The following SNX29 variants were observed in gnomAD, a reference collection of about 807,000 sequenced individuals.
SNX29 encodes sorting nexin-29.
SNX29 carries 78 observed loss-of-function variants against 102.1 expected under a neutral mutation model. That is an observed-to-expected ratio of 0.76 (90% CI 0.64 to 0.92). The LOEUF is 0.92. Ranked by LOEUF, SNX29 falls within the 40% of genes least tolerant of loss-of-function variation. SNX29 has a pLI of 0.00. For synonymous variants in SNX29, 580 were observed against 414.5 expected (o/e 1.40, Z -4.85); for missense variants, 1,280 against 1,061.7 (o/e 1.21, Z -2.86).
At chr16:12,162,218 C>T (rs2141673864) in intron 13 of SNX29, among the ~76,000 whole-genome samples, 1 of 152,312 alleles carries the variant, frequency 6.6e-6, no homozygotes, top group African/African-American at 2.4e-5. Context: ...CTGAGGGTGT[C>T]CAGCCTCAGC....
chr16:12,426,501 G>A (rs1205701223), intron 18 of SNX29, among the ~76,000 whole-genome samples: 1 of 152,120 alleles, frequency 6.6e-6, no homozygotes, highest in Non-Finnish European at 1.5e-5. Context: ...GGAACATCTG[G>A]TAGAATAGAA....
chr16:12,258,140 C>T (rs1409816711), intron 14 of SNX29, among the ~76,000 whole-genome samples: 2 of 152,108 alleles, frequency 1.3e-5, no homozygotes, highest in East Asian at 1.9e-4. Context: ...TCACAGCTCC[C>T]AGCTCCCCTG....
chr16:12,364,890 T>C (rs981697814), intron 16 of SNX29, among the ~76,000 whole-genome samples: 2 of 152,180 alleles, frequency 1.3e-5, no homozygotes, highest in African/African-American at 4.8e-5. Context: ...ACCTCCGCTC[T>C]CTCACTTGTC....
chr16:12,542,246 C>CTT (rs72316766), intron 20 of SNX29, among the ~76,000 whole-genome samples: 18,368 of 152,138 alleles, frequency 0.12, 1,377 homozygotes, highest in Non-Finnish European at 0.16. Context: ...GTGTTATTCC[C>CTT]TTTATAGATG....
chr16:12,405,217 A>G (rs1047478384), intron 18 of SNX29, among the ~76,000 whole-genome samples: 1 of 152,238 alleles, frequency 6.6e-6, no homozygotes, highest in South Asian at 2.1e-4. Flanking sequence ...AAAACATGTT[A>G]TCACTTGAGA....
intron 18 of SNX29, among the ~76,000 whole-genome samples, chr16:12,439,339 T>C (rs940410430): frequency 2.0e-5 from 3 of 152,148 alleles, no homozygotes; most frequent in Non-Finnish European, 2.9e-5. Context: ...TGGGTCCTGA[T>C]TTTCCGGTGT....
chr16:12,164,289 G>GA (rs2055915953), intron 13 of SNX29, among the ~76,000 whole-genome samples: 1 of 152,290 alleles, frequency 6.6e-6, no homozygotes, highest in Admixed American at 6.5e-5. Context: ...CATTTGAGTG[G>GA]AGTTTGGAAA....
chr16:12,568,427 C>T (rs879229057), intron 20 of SNX29, 79 bp from the exon 21 acceptor site: 41 of 1,573,434 alleles, frequency 2.6e-5, no homozygotes, highest in South Asian at 3.5e-5. Context: ...CCTGCCCTCA[C>T]ACCTGGCTCC....
intron 18 of SNX29, among the ~76,000 whole-genome samples, chr16:12,458,151 C>T (rs1383641414): frequency 6.6e-6 from 1 of 152,204 alleles, no homozygotes. Context: ...ACCTTGGGCT[C>T]TGCACTGCAC....
chr16:12,570,580 G>A lies in SNX29; in HGVS notation c.*1951G>A, dbSNP rs979081972. The A allele has an allele frequency of 1.7e-5, 4 of 232,048 alleles. No homozygotes were observed. Among genetic ancestry groups the A allele is most frequent in the East Asian group, 1.2e-4 (2 of 16,450 alleles). 14.4% of individuals were successfully genotyped at this position (232,048 alleles called of 1,614,324 possible). A position where few individuals can be genotyped will look rare whatever the true frequency, so the allele number is the denominator to read the frequency against. ...AGACTGTCTCAGGAGTGCCTCCCTG[G>A]CCTGGGTAGCTACCCTGGAGGTCAT... On this transcript the variant is annotated 3_prime_UTR_variant, in exon 21 of 21. Coordinates refer to ENST00000566228, the MANE Select transcript of SNX29 (RefSeq NM_032167.5).
At chr16:11,991,545 CATTTTATTTT>C (rs1180623401) in intron 1 of SNX29, among the ~76,000 whole-genome samples, 3 of 151,384 alleles carry the variant, frequency 2.0e-5, no homozygotes, top group African/African-American at 7.3e-5. Context: ...TTTTTTATTT[CATTTTATTTT>C]ATTTTGAGAT....
At chr16:12,539,788 G>A (rs1460244060) in intron 20 of SNX29, among the ~76,000 whole-genome samples, 2 of 152,210 alleles carry the variant, frequency 1.3e-5, no homozygotes, top group Non-Finnish European at 1.5e-5. Context: ...GAGTAATGAT[G>A]TTGAGCATAT....
chr16:12,373,416 G>A (rs2082760341), intron 16 of SNX29, among the ~76,000 whole-genome samples: 1 of 152,170 alleles, frequency 6.6e-6, no homozygotes, highest in African/African-American at 2.4e-5. Context: ...AAGTATATGA[G>A]CTGCTATGCC....
intron 13 of SNX29, among the ~76,000 whole-genome samples, chr16:12,154,504 C>T (rs1047007541): frequency 8.5e-5 from 13 of 152,066 alleles, no homozygotes; most frequent in African/African-American, 2.7e-4. Flanking sequence ...GTCTGTCGCC[C>T]CTATTAGACT....
chr16:12,374,149 C>A (rs1418487122), intron 16 of SNX29, among the ~76,000 whole-genome samples: 1 of 152,232 alleles, frequency 6.6e-6, no homozygotes. Context: ...AGCCCATTCC[C>A]CAAGATCCAG....
rs370649702 is a variant in SNX29, at chr16:12,013,870, T to C, written c.122+10827T>C. Among the ~76,000 whole-genome samples, 1,513 of 151,956 alleles carry C rather than the reference T, an allele frequency of 1.0e-2. 19 individuals are homozygous for C. The highest frequency in any genetic ancestry group is 0.034 in the African/African-American group (1,395 of 41,430). On this transcript the variant is annotated intron_variant, in intron 3 of 20. Coordinates refer to ENST00000566228, the MANE Select transcript of SNX29 (RefSeq NM_032167.5). ...TTCACCGTGTTGCCCAGGCTGGTCT[T>C]GAACTCCTGAGCTCAGGCAATCTAC...
intron 19 of SNX29, among the ~76,000 whole-genome samples, chr16:12,481,120 C>A (rs1046041844): frequency 6.6e-6 from 1 of 152,122 alleles, no homozygotes; most frequent in African/African-American, 2.4e-5. Context: ...TTTTATCCCC[C>A]CAACATAACC....
intron 20 of SNX29, among the ~76,000 whole-genome samples, chr16:12,555,149 G>C (rs1323925099): frequency 6.6e-6 from 1 of 151,900 alleles, no homozygotes; most frequent in Non-Finnish European, 1.5e-5. Context: ...CTTGGTCCAG[G>C]AGTGACAGGG....
chr16:12,105,023 C>T (rs544681586), intron 11 of SNX29, among the ~76,000 whole-genome samples: 59 of 152,274 alleles, frequency 3.9e-4, no homozygotes, highest in African/African-American at 1.4e-3. Flanking sequence ...TCTGCAGGGT[C>T]CCTGCTCATC....
Sources: allele counts gnomAD v4.1 joint callset (sites outside exome capture counted in the v4.1 genomes callset), GRCh38; gene constraint gnomAD v4.1.1; transcripts MANE v1.5; gene names NCBI Gene and HGNC (gene_info 2026-07-23, HGNC 2026-07-21).